The following NAALADL2 variants were observed in gnomAD, a reference collection of about 807,000 sequenced individuals.
NAALADL2 encodes N-acetylated alpha-linked acidic dipeptidase like 2.
A neutral mutation model predicts 87.2 loss-of-function variants in NAALADL2; 76 were observed. That is an observed-to-expected ratio of 0.87 (90% CI 0.72 to 1.05). The LOEUF (loss-of-function observed/expected upper bound fraction) is 1.05. Ranked by LOEUF, NAALADL2 falls within the 50% of genes least tolerant of loss-of-function variation. The probability of loss-of-function intolerance (pLI) is 0.00; values close to 1 mark genes in which losing one functional copy is unlikely to be tolerated. For synonymous variants in NAALADL2, 354 were observed against 331.0 expected (o/e 1.07, Z -0.75); for missense variants, 1,089 against 945.8 (o/e 1.15, Z -1.99).
chr3:175,142,083 A>C (rs972756365), intron 2 of NAALADL2, among the ~76,000 whole-genome samples: 1 of 152,104 alleles, frequency 6.6e-6, no homozygotes, highest in East Asian at 1.9e-4. Context: ...CATGCCCAGC[A>C]CAATCGATGA....
chr3:175,786,586 T>C (rs1751997563), intron 13 of NAALADL2, among the ~76,000 whole-genome samples: 1 of 152,162 alleles, frequency 6.6e-6, no homozygotes, highest in Admixed American at 6.5e-5. Flanking sequence ...TTGGTTATTC[T>C]AGTTATACAT....
intron 11 of NAALADL2, among the ~76,000 whole-genome samples, chr3:175,709,645 G>A (rs1483638124): frequency 7.2e-6 from 1 of 139,800 alleles, no homozygotes; most frequent in Non-Finnish European, 1.5e-5. Flanking sequence ...TATGATATTT[G>A]AAACTATGGC....
intron 2 of NAALADL2, among the ~76,000 whole-genome samples, chr3:174,586,296 AT>A (rs576440939): frequency 6.6e-5 from 10 of 152,110 alleles, no homozygotes; most frequent in African/African-American, 2.4e-4. Flanking sequence ...GGTATACATT[AT>A]TTTTTTTATT....
At chr3:175,493,041 G>A (rs984981421) in intron 9 of NAALADL2, among the ~76,000 whole-genome samples, 2 of 151,846 alleles carry the variant, frequency 1.3e-5, no homozygotes, top group African/African-American at 2.4e-5. Context: ...CATAACTTAT[G>A]TACACATATC....
chr3:174,841,393 A>G (rs1407044288), intron 3 of NAALADL2, among the ~76,000 whole-genome samples: 1 of 152,242 alleles, frequency 6.6e-6, no homozygotes, highest in Non-Finnish European at 1.5e-5. Context: ...TTTGGCTCCC[A>G]GTAGGAGTTA....
chr3:174,755,310 A>T (rs1372036334), intron 3 of NAALADL2, among the ~76,000 whole-genome samples: 1 of 152,042 alleles, frequency 6.6e-6, no homozygotes, highest in Non-Finnish European at 1.5e-5. Context: ...TAAATAAATT[A>T]CCCAGTCTCA....
chr3:174,639,018 G>A (rs1440473518), intron 2 of NAALADL2, among the ~76,000 whole-genome samples: 1 of 152,038 alleles, frequency 6.6e-6, no homozygotes, highest in Admixed American at 6.6e-5. Flanking sequence ...ATGGCCCTGG[G>A]TTGCTCTGAC....
chr3:175,386,912 G>A (rs1393877206), intron 5 of NAALADL2, among the ~76,000 whole-genome samples: 1 of 152,040 alleles, frequency 6.6e-6, no homozygotes, highest in Non-Finnish European at 1.5e-5. Flanking sequence ...AAATGATGCT[G>A]ACAATTTGGA....
At chr3:175,266,026 A>G (rs1291348682) in intron 4 of NAALADL2, among the ~76,000 whole-genome samples, 4 of 150,742 alleles carry the variant, frequency 2.7e-5, no homozygotes, top group African/African-American at 9.7e-5. Flanking sequence ...TAGTTTTAAT[A>G]TCGAGCAGTT....
rs1004162499 is a variant in NAALADL2 at position 175,009,261 on chromosome 3, G to A, written c.44-87529G>A. On this transcript the variant is annotated intron_variant, in intron 1 of 13. Transcript: ENST00000454872. ...ACCACTATCCTAGAGGGTAGAGTAAGGACAGAGGAGCAAACAATTTTCATT... is the reference window on the plus strand; with the variant it reads ...ACCACTATCCTAGAGGGTAGAGTAAAGACAGAGGAGCAAACAATTTTCATT... Among the ~76,000 whole-genome samples the A allele has an allele frequency of 2.0e-5, 3 of 152,116 alleles. No homozygotes were observed. In the East Asian group the frequency reaches 5.8e-4, roughly 29 times the overall value.
At chr3:175,264,350 T>C (rs939381863) in intron 4 of NAALADL2, among the ~76,000 whole-genome samples, 2 of 151,854 alleles carry the variant, frequency 1.3e-5, no homozygotes, top group Non-Finnish European at 3.0e-5. Context: ...TAATAAATAT[T>C]AACTTTTATA....
intron 2 of NAALADL2, among the ~76,000 whole-genome samples, chr3:175,194,103 T>C (rs939578733): frequency 2.6e-5 from 4 of 151,900 alleles, no homozygotes; most frequent in African/African-American, 9.7e-5. Flanking sequence ...TGTTAAAATA[T>C]TGTGCTTAAA....
At chr3:175,263,713 G>A (rs1190934881) in intron 4 of NAALADL2, among the ~76,000 whole-genome samples, 1 of 151,620 alleles carries the variant, frequency 6.6e-6, no homozygotes, top group Non-Finnish European at 1.5e-5. Flanking sequence ...AAGTAAAATA[G>A]CAAGGAAGAG....
chr3:174,515,352 C>T (rs1719881296), intron 1 of NAALADL2, among the ~76,000 whole-genome samples: 1 of 152,012 alleles, frequency 6.6e-6, no homozygotes, highest in South Asian at 2.1e-4. Context: ...GAACAATCTC[C>T]ATTTCTCATT....
At chr3:175,800,806 CA>C (rs1335559222) in intron 13 of NAALADL2, among the ~76,000 whole-genome samples, 1 of 152,132 alleles carries the variant, frequency 6.6e-6, no homozygotes, top group East Asian at 1.9e-4. Context: ...ACAGAAGTAA[CA>C]TGTTCTTCAC....
At chr3:175,274,894 A>G (rs1170659830) in intron 4 of NAALADL2, among the ~76,000 whole-genome samples, 3 of 152,144 alleles carry the variant, frequency 2.0e-5, no homozygotes, top group Non-Finnish European at 4.4e-5. Context: ...TCTTGAAGAT[A>G]TTTCACAAAA....
intron 9 of NAALADL2, among the ~76,000 whole-genome samples, chr3:175,570,075 G>A (rs1202692923): frequency 6.6e-6 from 1 of 152,168 alleles, no homozygotes; most frequent in Non-Finnish European, 1.5e-5. Flanking sequence ...TGAGCACCAG[G>A]AAAGCTATTA....
intron 2 of NAALADL2, among the ~76,000 whole-genome samples, chr3:175,224,511 G>A (rs573066996): frequency 6.6e-6 from 1 of 152,150 alleles, no homozygotes; most frequent in African/African-American, 2.4e-5. Flanking sequence ...CTCCTTTGCT[G>A]AATCCAAAAT....
intron 1 of NAALADL2, among the ~76,000 whole-genome samples, chr3:175,079,003 C>T (rs1443362922): frequency 6.6e-6 from 1 of 152,112 alleles, no homozygotes; most frequent in Non-Finnish European, 1.5e-5. Flanking sequence ...TTGAGGAAAC[C>T]TCAGACTATT....
Sources: allele counts gnomAD v4.1 joint callset (sites outside exome capture counted in the v4.1 genomes callset), GRCh38; gene constraint gnomAD v4.1.1; transcripts MANE v1.5; gene names NCBI Gene and HGNC (gene_info 2026-07-23, HGNC 2026-07-21).